SH3RF3: variants seen among roughly 807,000 people sequenced by gnomAD.
SH3RF3 encodes the protein SH3 domain containing ring finger 3.
SH3RF3 carries 29 observed loss-of-function variants against 66.3 expected under a neutral mutation model. The observed-to-expected ratio is 0.44, with a 90% CI of 0.33 to 0.60. The LOEUF (loss-of-function observed/expected upper bound fraction) is 0.60. SH3RF3 is among the 20% of genes least tolerant of loss of function. The pLI, the probability that SH3RF3 is intolerant of heterozygous loss-of-function variation, is 0.04. For missense variants in SH3RF3, 1,194 were observed against 1,190.9 expected (o/e 1.00, Z -0.04); for synonymous variants, 583 against 532.0 (o/e 1.10, Z -1.32).
At chr2:109,246,611 T>C (rs1397707850) in intron 1 of SH3RF3, among the ~76,000 whole-genome samples, 1 of 152,228 alleles carries the variant, frequency 6.6e-6, no homozygotes, top group Non-Finnish European at 1.5e-5. Flanking sequence ...CCAGCCTTCC[T>C]TTCCACACAC....
chr2:109,479,061 T>C (rs1348581818), intron 8 of SH3RF3, among the ~76,000 whole-genome samples: 2 of 152,322 alleles, frequency 1.3e-5, no homozygotes, highest in South Asian at 2.1e-4. Flanking sequence ...TGTTGACTGC[T>C]GGCTGGAACC....
chr2:109,342,748 C>A (rs1433630894), intron 1 of SH3RF3, among the ~76,000 whole-genome samples: 1 of 152,186 alleles, frequency 6.6e-6, no homozygotes, highest in Admixed American at 6.5e-5. Flanking sequence ...CCAGTAGAAG[C>A]CGGAGATGGC....
intron 1 of SH3RF3, among the ~76,000 whole-genome samples, chr2:109,138,026 C>CTT (rs199953327): frequency 6.6e-6 from 1 of 151,590 alleles, no homozygotes; most frequent in African/African-American, 2.4e-5. Flanking sequence ...ATCAAAATTT[C>CTT]TTTTTTTTTG....
At chr2:109,360,956 T>C (rs553152310) in intron 2 of SH3RF3, among the ~76,000 whole-genome samples, 2 of 152,348 alleles carry the variant, frequency 1.3e-5, no homozygotes, top group South Asian at 4.1e-4. Flanking sequence ...AGGTGAACTG[T>C]AGGTTATTTG....
intron 1 of SH3RF3, among the ~76,000 whole-genome samples, chr2:109,188,685 G>A (rs1274809644): frequency 6.6e-6 from 1 of 152,180 alleles, no homozygotes; most frequent in Admixed American, 6.5e-5. Context: ...GTTTGCTCCT[G>A]ACTTTGCAAG....
chr2:109,226,697 C>T (rs1368105601), intron 1 of SH3RF3, among the ~76,000 whole-genome samples: 1 of 152,154 alleles, frequency 6.6e-6, no homozygotes. Flanking sequence ...TCCGTTTGCT[C>T]CTAAGTCTTT....
At chr2:109,223,232 G>A (rs959802652) in intron 1 of SH3RF3, among the ~76,000 whole-genome samples, 1 of 152,208 alleles carries the variant, frequency 6.6e-6, no homozygotes, top group African/African-American at 2.4e-5. Flanking sequence ...GCAGTCAAGT[G>A]CCCTGATAAC....
At position 109,502,070 on chromosome 2, in the gene SH3RF3, C is replaced by T. The variant is rs1038940080; in HGVS notation, c.*399C>T. On this transcript the variant is annotated 3_prime_UTR_variant, in exon 10 of 10. Transcript: ENST00000309415. ...AGGTGGGTGGCATGGGGGCCAGGAGCGCTGGAGATCATCTTTCTGGGCTGC... is the reference window on the plus strand; with the variant it reads ...AGGTGGGTGGCATGGGGGCCAGGAGTGCTGGAGATCATCTTTCTGGGCTGC... 5.8e-5 allele frequency: 11 copies of T among 190,772 alleles called. No homozygotes were observed. The highest frequency in any genetic ancestry group is 2.2e-3 in the Middle Eastern group (1 of 450). 11.8% of individuals were successfully genotyped at this position (190,772 alleles called of 1,614,324 possible).
At chr2:109,466,861 ATGTGTGTATATGTT>A (rs1382067577) in intron 8 of SH3RF3, among the ~76,000 whole-genome samples, 4 of 151,884 alleles carry the variant, frequency 2.6e-5, no homozygotes, top group Non-Finnish European at 4.4e-5. Context: ...ATACATGTGC[ATGTGTGTATATGTT>A]TGTGTGTATA....
Position 109,338,552 on chromosome 2 carries a change from T to G in SH3RF3, c.574-9122T>G, listed in dbSNP as rs186621734. The stretch of plus-strand genomic sequence containing the variant: ...CCCCCGGCACAGTCAAAAACCTGTG[T>G]GTAACTTTTTATTTTTATTTTTTGA... On this transcript the variant is annotated intron_variant, in intron 1 of 9. Coordinates refer to ENST00000309415, the MANE Select transcript of SH3RF3 (RefSeq NM_001099289.3). Among the ~76,000 whole-genome samples the G allele has an allele frequency of 1.8e-4, 27 of 152,116 alleles. 1 individual carries two copies. Among genetic ancestry groups the G allele is most frequent in the African/African-American group, 6.5e-4 (27 of 41,502 alleles).
chr2:109,201,002 A>C (rs1678658566), intron 1 of SH3RF3, among the ~76,000 whole-genome samples: 1 of 152,158 alleles, frequency 6.6e-6, no homozygotes, highest in South Asian at 2.1e-4. Context: ...AAGGGGCAGC[A>C]GCAGCAGCTA....
At chr2:109,184,500 G>C (rs1207394540) in intron 1 of SH3RF3, among the ~76,000 whole-genome samples, 2 of 152,162 alleles carry the variant, frequency 1.3e-5, no homozygotes, top group Non-Finnish European at 2.9e-5. Flanking sequence ...TCTGCTCACT[G>C]CTCAGAGTCC....
At chr2:109,228,285 G>A (rs145195761) in intron 1 of SH3RF3, among the ~76,000 whole-genome samples, 23 of 152,284 alleles carry the variant, frequency 1.5e-4, no homozygotes, top group Admixed American at 5.2e-4. Context: ...GGCTTTTATT[G>A]TCTCATTAAT....
chr2:109,192,078 A>G (rs1678380275), intron 1 of SH3RF3, among the ~76,000 whole-genome samples: 1 of 152,170 alleles, frequency 6.6e-6, no homozygotes, highest in Non-Finnish European at 1.5e-5. Flanking sequence ...TCACTTTGCA[A>G]ACCGAGCGAC....
chr2:109,209,908 G>A (rs946402497), intron 1 of SH3RF3, among the ~76,000 whole-genome samples: 1 of 152,034 alleles, frequency 6.6e-6, no homozygotes, highest in Admixed American at 6.5e-5. Flanking sequence ...CCCCTGTTTT[G>A]TAACCACTGC....
chr2:109,190,848 T>C (rs895608973), intron 1 of SH3RF3, among the ~76,000 whole-genome samples: 1 of 151,880 alleles, frequency 6.6e-6, no homozygotes, highest in African/African-American at 2.4e-5. Flanking sequence ...AAACATCTGG[T>C]TAAGCACTTA....
intron 1 of SH3RF3, among the ~76,000 whole-genome samples, chr2:109,198,816 G>A (rs1678568644): frequency 6.6e-6 from 1 of 152,200 alleles, no homozygotes; most frequent in South Asian, 2.1e-4. Context: ...AGGCTACGTG[G>A]CACAGCCTGT....
chr2:109,386,910 G>A (rs1471599560), intron 3 of SH3RF3, among the ~76,000 whole-genome samples: 1 of 152,130 alleles, frequency 6.6e-6, no homozygotes, highest in Non-Finnish European at 1.5e-5. Context: ...CAGCTCAGGA[G>A]GTCTCCCCAT....
chr2:109,375,543 T>G (rs1016397247), intron 3 of SH3RF3, among the ~76,000 whole-genome samples: 2 of 152,250 alleles, frequency 1.3e-5, no homozygotes, highest in Non-Finnish European at 2.9e-5. Context: ...CTTCTGGGTC[T>G]TTAGCCCTTG....
Sources: gnomAD v4.1 joint callset for allele counts (sites outside exome capture counted in the v4.1 genomes callset) on GRCh38, gnomAD v4.1.1 for gene constraint, MANE v1.5 for transcripts, NCBI Gene and HGNC (gene_info 2026-07-23, HGNC 2026-07-21) for gene names.